Variants in SRGAP2 observed in about 807,000 individuals in gnomAD.
SRGAP2 encodes the protein SLIT-ROBO Rho GTPase activating protein 2, also known as SLIT-ROBO Rho GTPase-activating protein 2.
SRGAP2 carries 15 observed loss-of-function variants against 57.2 expected under a neutral mutation model. That is an observed-to-expected ratio of 0.26 (90% CI 0.18 to 0.40). The LOEUF (loss-of-function observed/expected upper bound fraction) is 0.40, where lower values mean the gene tolerates loss of function less well. SRGAP2 is among the 10% of genes least tolerant of loss of function. The pLI, the probability that SRGAP2 is intolerant of heterozygous loss-of-function variation, is 1.00. For synonymous variants in SRGAP2, 249 were observed against 248.0 expected (o/e 1.00, Z -0.04); for missense variants, 520 against 669.6 (o/e 0.78, Z 2.47).
At chr1:206,249,420 A>G (rs1236225397) in intron 2 of SRGAP2, among the ~76,000 whole-genome samples, 2 of 152,212 alleles carry the variant, frequency 1.3e-5, no homozygotes, top group African/African-American at 2.4e-5. Context: ...CCATAAAAAA[A>G]GAATGAGTTC....
chr1:206,431,261 A>C (rs139466301), intron 14 of SRGAP2, among the ~76,000 whole-genome samples: 5 of 152,334 alleles, frequency 3.3e-5, no homozygotes, highest in Admixed American at 6.5e-5. Flanking sequence ...ACAGTCAACA[A>C]ATTTATCAAG....
chr1:206,435,115 T>G (rs532334688), intron 14 of SRGAP2, among the ~76,000 whole-genome samples: 1 of 152,356 alleles, frequency 6.6e-6, no homozygotes, highest in South Asian at 2.1e-4. Context: ...TGGAGATTCC[T>G]TTATAGGAGC....
At chr1:206,437,106 C>T in intron 15 of SRGAP2, 64 bp downstream of exon 15, 1 of 776,016 alleles carries the variant, frequency 1.3e-6, no homozygotes, top group Non-Finnish European at 2.4e-6. Context: ...TTGGCTCCAC[C>T]CTTTCTTCTC....
Position 206,454,145 on chromosome 1 carries a change from T to C in SRGAP2, c.2361-733T>C, listed in dbSNP as rs1553377356. The C allele has an allele frequency of 2.8e-6, 2 of 702,540 alleles. No homozygotes were observed. The highest frequency in any genetic ancestry group is 5.2e-6 in the Non-Finnish European group (2 of 384,974). 43.5% of individuals were successfully genotyped at this position (702,540 alleles called of 1,614,324 possible). A position where few individuals can be genotyped will look rare whatever the true frequency, so the allele number is the denominator to read the frequency against. Reference sequence around the variant, plus strand: ...TTCCCTTAATATTATTTTTTAAAGGTTGATATCCTGAGTGAGTCTGCACCC... The same window carrying C: ...TTCCCTTAATATTATTTTTTAAAGGCTGATATCCTGAGTGAGTCTGCACCC... On this transcript the variant is annotated intron_variant, in intron 20 of 22. Transcript: ENST00000573034. The surrounding 1 kb of genome is among the most constrained non-coding windows in gnomAD (Gnocchi z 4.3).
chr1:206,320,065 TC>T (rs1673361866), intron 3 of SRGAP2, among the ~76,000 whole-genome samples: 1 of 93,444 alleles, frequency 1.1e-5, no homozygotes, highest in Non-Finnish European at 2.0e-5. Flanking sequence ...CACCTCGACC[TC>T]CCAAACTGCT....
In SRGAP2 at chr1:206,306,669, C is replaced by T. The variant is rs1373692119; in HGVS notation, c.260+3196C>T. Among the ~76,000 whole-genome samples the T allele has an allele frequency of 2.6e-5, 4 of 152,156 alleles. No individual in the cohort carries two copies. In the East Asian group the frequency reaches 7.7e-4, roughly 29 times the overall value. On this transcript the variant is annotated intron_variant, in intron 3 of 22. Transcript: ENST00000573034. ...TGTTTTGTCAGGGTACTGATTGGTG[C>T]ATTTACAATCTCTGAGATAGATACA...
intron 3 of SRGAP2, among the ~76,000 whole-genome samples, chr1:206,335,365 A>G (rs1179917158): frequency 3.9e-5 from 6 of 152,328 alleles, no homozygotes; most frequent in Admixed American, 1.3e-4. Context: ...CCAGGTCTAC[A>G]GAAGCTATAG....
rs1654753673 is a variant in SRGAP2 at position 206,372,961 on chromosome 1, T to TTTCTTTCC, written c.424-11050_424-11049insTTTCCTTC. On this transcript the variant is annotated intron_variant, in intron 4 of 22. Transcript: ENST00000573034. ...TTTCTTTCTTTCTTTCTTTCTTTTCTTTCCTTTCTTTCTTTCTTTCTTTCT... is the reference window on the plus strand; with the variant it reads ...TTTCTTTCTTTCTTTCTTTCTTTTCTTTCTTTCCTTCCTTTCTTTCTTTCTTTCTTTCT... Among the ~76,000 whole-genome samples the TTTCTTTCC allele has an allele frequency of 4.5e-4, 5 of 11,044 alleles. 1 individual carries two copies. The highest frequency in any genetic ancestry group is 0.071 in the Middle Eastern group (2 of 28). 7.2% of individuals were successfully genotyped at this position (11,044 alleles called of 152,430 possible). A position where few individuals can be genotyped will look rare whatever the true frequency, so the allele number is the denominator to read the frequency against.
In SRGAP2 at chr1:206,229,941, C is replaced by CACACAG. The variant is rs1667524448; in HGVS notation, c.67+23909_67+23910insGACACA. On this transcript the variant is annotated intron_variant, in intron 2 of 22. Coordinates refer to ENST00000573034, the MANE Select transcript of SRGAP2 (RefSeq NM_015326.5). ...ATATGTACACATACATACACACACA[C>CACACAG]ACACACACACACACACACACACACA... Among the ~76,000 whole-genome samples the CACACAG allele has an allele frequency of 3.3e-5, 5 of 151,436 alleles. No individual in the cohort carries two copies. In the South Asian group the frequency reaches 1.0e-3, roughly 32 times the overall value.
chr1:206,415,535 G>T (rs1353478715), intron 10 of SRGAP2, among the ~76,000 whole-genome samples: 7 of 152,208 alleles, frequency 4.6e-5, no homozygotes, highest in Non-Finnish European at 8.8e-5. Flanking sequence ...GTCAGTGGAG[G>T]TGACAGATAG....
intron 3 of SRGAP2, among the ~76,000 whole-genome samples, chr1:206,307,163 A>G (rs1351751691): frequency 6.6e-6 from 1 of 152,240 alleles, no homozygotes; most frequent in Non-Finnish European, 1.5e-5. Context: ...TGGTGTGTTT[A>G]CAAACCTTGA....
At chr1:206,360,645 G>A (rs1483129619) in intron 4 of SRGAP2, among the ~76,000 whole-genome samples, 2 of 152,146 alleles carry the variant, frequency 1.3e-5, no homozygotes, top group African/African-American at 4.8e-5. Flanking sequence ...TGATTGATAT[G>A]GTGTATGAAA....
chr1:206,372,952 TTTC>T (rs1654725401), intron 4 of SRGAP2, among the ~76,000 whole-genome samples: 10 of 7,958 alleles, frequency 1.3e-3, no homozygotes, highest in African/African-American at 0.012. Context: ...TCTTTCTTTC[TTTC>T]TTTTCTTTCC....
chr1:206,355,515 T>A lies in SRGAP2; in HGVS notation c.423+12507T>A, dbSNP rs574443762. ...CCATTTTCTAGTTACATTTTTTAAATCACATGATAGAAACCTGATTGTAAG... is the reference window on the plus strand; with the variant it reads ...CCATTTTCTAGTTACATTTTTTAAAACACATGATAGAAACCTGATTGTAAG... On this transcript the variant is annotated intron_variant, in intron 4 of 22. Coordinates refer to ENST00000573034, the MANE Select transcript of SRGAP2 (RefSeq NM_015326.5). Among the ~76,000 whole-genome samples, 261 of 152,214 alleles carry A rather than the reference T, an allele frequency of 1.7e-3. 3 individuals carry two copies. Among genetic ancestry groups the A allele is most frequent in the African/African-American group, 6.1e-3 (252 of 41,512 alleles).
intron 3 of SRGAP2, among the ~76,000 whole-genome samples, chr1:206,326,907 G>A (rs1553330176): frequency 6.6e-6 from 1 of 152,182 alleles, no homozygotes; most frequent in East Asian, 1.9e-4. Flanking sequence ...TCATACTTGT[G>A]AGCCTGGCAC....
At chr1:206,429,132 C>G (rs914471134) in intron 13 of SRGAP2, among the ~76,000 whole-genome samples, 1 of 152,150 alleles carries the variant, frequency 6.6e-6, no homozygotes, top group South Asian at 2.1e-4. Context: ...AGTCCCCTCC[C>G]CAGTCTGTAG....
intron 3 of SRGAP2, among the ~76,000 whole-genome samples, chr1:206,325,661 T>C (rs1673824824): frequency 6.6e-6 from 1 of 151,388 alleles, no homozygotes; most frequent in Non-Finnish European, 1.5e-5. Context: ...TTTCTGTTAT[T>C]CTCTTCTACT....
At chr1:206,434,329 G>A (rs976085794) in intron 14 of SRGAP2, among the ~76,000 whole-genome samples, 9 of 152,158 alleles carry the variant, frequency 5.9e-5, no homozygotes, top group African/African-American at 2.2e-4. Context: ...CATGAGGAAG[G>A]GAGCAAGATA....
intron 2 of SRGAP2, among the ~76,000 whole-genome samples, chr1:206,267,032 A>G (rs1385714855): frequency 1.4e-5 from 2 of 141,108 alleles, no homozygotes; most frequent in Non-Finnish European, 3.0e-5. Flanking sequence ...GCAGTGGCGC[A>G]ATCTTGGCTC....
Sources: gnomAD v4.1 joint callset for allele counts (sites outside exome capture counted in the v4.1 genomes callset) on GRCh38, gnomAD v4.1.1 for gene constraint, Gnocchi (gnomAD v3.1) non-coding constraint, MANE v1.5 for transcripts, NCBI Gene and HGNC (gene_info 2026-07-23, HGNC 2026-07-21) for gene names.